Variants in UVRAG observed in about 807,000 individuals in gnomAD.
UVRAG encodes the protein UV radiation resistance associated.
A neutral mutation model predicts 78.0 loss-of-function variants in UVRAG; 19 were observed. That is an observed-to-expected ratio of 0.24 (90% CI 0.17 to 0.36). UVRAG has a LOEUF of 0.36. Among genes scored for constraint, UVRAG ranks in the 10% least tolerant of loss-of-function variants. The pLI, the probability that UVRAG is intolerant of heterozygous loss-of-function variation, is 1.00. For missense variants in UVRAG, 740 were observed against 853.8 expected, an observed-to-expected ratio of 0.87 and a Z score of 1.66; for synonymous variants, 323 against 324.6, an observed-to-expected ratio of 1.00 and a Z score of 0.05.
At chr11:76,002,608 GA>G (rs1487224260) in intron 8 of UVRAG, among the ~76,000 whole-genome samples, 3 of 152,202 alleles carry the variant, frequency 2.0e-5, no homozygotes, top group Non-Finnish European at 2.9e-5. Context: ...AGTATGTGGG[GA>G]TAGAGGGTGT....
intron 12 of UVRAG, among the ~76,000 whole-genome samples, chr11:76,045,600 A>G (rs1950736780): frequency 6.6e-6 from 1 of 152,168 alleles, no homozygotes; most frequent in African/African-American, 2.4e-5. Context: ...ACAAGATGAT[A>G]TAAAAATGAA....
chr11:76,120,890 A>C (rs1952260826), intron 14 of UVRAG, among the ~76,000 whole-genome samples: 1 of 152,182 alleles, frequency 6.6e-6, no homozygotes, highest in Non-Finnish European at 1.5e-5. Context: ...CAAAGGGTAA[A>C]AAAACTCAGG....
intron 14 of UVRAG, among the ~76,000 whole-genome samples, chr11:76,132,693 C>A (rs1952533599): frequency 6.6e-6 from 1 of 152,066 alleles, no homozygotes; most frequent in Admixed American, 6.5e-5. Context: ...GAATTTATTT[C>A]TGCTCATAGC....
chr11:76,086,281 C>T (rs144610217), intron 13 of UVRAG, among the ~76,000 whole-genome samples: 158 of 152,324 alleles, frequency 1.0e-3, no homozygotes, highest in African/African-American at 3.7e-3. Flanking sequence ...AAGCTGCTCA[C>T]TCCTGCCCTA....
At chr11:75,877,915 AC>A (rs1407271819) in intron 3 of UVRAG, among the ~76,000 whole-genome samples, 1 of 95,386 alleles carries the variant, frequency 1.0e-5, no homozygotes, top group Non-Finnish European at 2.1e-5. Flanking sequence ...CGGGGGGCTG[AC>A]CCCCCCACCT....
chr11:75,883,212 TG>T (rs1946990776), intron 4 of UVRAG, among the ~76,000 whole-genome samples: 1 of 152,104 alleles, frequency 6.6e-6, no homozygotes, highest in African/African-American at 2.4e-5. Flanking sequence ...TTTTGGCTAG[TG>T]AAGATGGGTT....
intron 14 of UVRAG, among the ~76,000 whole-genome samples, chr11:76,130,375 T>C (rs1035056362): frequency 6.6e-6 from 1 of 152,226 alleles, no homozygotes; most frequent in Non-Finnish European, 1.5e-5. Flanking sequence ...ACCATGGCTT[T>C]TTTCCAATTA....
At chr11:75,983,298 ATTAT>A in intron 7 of UVRAG, 85 bp from the exon 8 acceptor site, 1 of 1,226,764 alleles carries the variant, frequency 8.2e-7, no homozygotes, top group East Asian at 2.7e-5. Context: ...GTTTTAAGCC[ATTAT>A]TTATTTTTAA....
At chr11:75,987,502 C>T (rs796090169) in intron 8 of UVRAG, among the ~76,000 whole-genome samples, 24 of 152,212 alleles carry the variant, frequency 1.6e-4, no homozygotes, top group African/African-American at 4.1e-4. Context: ...TTTCCTAATA[C>T]GTATGCCTTT....
intron 6 of UVRAG, among the ~76,000 whole-genome samples, chr11:75,960,125 A>G (rs1219297870): frequency 6.6e-6 from 1 of 152,176 alleles, no homozygotes; most frequent in Non-Finnish European, 1.5e-5. Flanking sequence ...ACAGAGAGAC[A>G]TGAAGTGACC....
chr11:75,972,127 G>A (rs1400767098), intron 7 of UVRAG, among the ~76,000 whole-genome samples: 1 of 151,814 alleles, frequency 6.6e-6, no homozygotes, highest in South Asian at 2.1e-4. Flanking sequence ...ATATTTTGGA[G>A]ACCAGTTCTT....
rs187509171 is a variant in UVRAG, at chr11:75,920,276, C to T, written c.593+8237C>T. Among the ~76,000 whole-genome samples the T allele has an allele frequency of 5.5e-3, 840 of 151,866 alleles. 8 individuals carry two copies. Among genetic ancestry groups the T allele is most frequent in the South Asian group, 0.022 (107 of 4,796 alleles). ...TCCTGACCTCGTGATCCACCTGCCC[C>T]GGCCTCCCAAAGTGCTGGGATTACA... is the stretch of plus-strand genomic sequence containing the variant. On this transcript the variant is annotated intron_variant, in intron 6 of 14. Coordinates refer to ENST00000356136, the MANE Select transcript of UVRAG (RefSeq NM_003369.4).
chr11:76,118,777 C>T (rs1952227888), intron 14 of UVRAG, among the ~76,000 whole-genome samples: 1 of 152,180 alleles, frequency 6.6e-6, no homozygotes, highest in Non-Finnish European at 1.5e-5. Context: ...TTTTCTTTCA[C>T]ATAAAATCCT....
At chr11:75,996,745 A>G (rs1438067858) in intron 8 of UVRAG, among the ~76,000 whole-genome samples, 1 of 152,174 alleles carries the variant, frequency 6.6e-6, no homozygotes, top group African/African-American at 2.4e-5. Flanking sequence ...AGAGAAGTTG[A>G]AACTTGTCTA....
At chr11:76,020,864 A>G (rs988496757) in intron 12 of UVRAG, among the ~76,000 whole-genome samples, 2 of 152,048 alleles carry the variant, frequency 1.3e-5, no homozygotes, top group Non-Finnish European at 2.9e-5. Context: ...TTTCCGTGGT[A>G]GAAAGTTTTG....
At chr11:75,820,276 C>T (rs1465888173) in intron 1 of UVRAG, among the ~76,000 whole-genome samples, 1 of 152,132 alleles carries the variant, frequency 6.6e-6, no homozygotes. Flanking sequence ...CTACGCCCAG[C>T]CAGAAAATTT....
intron 6 of UVRAG, among the ~76,000 whole-genome samples, chr11:75,948,647 T>C (rs952526753): frequency 6.6e-6 from 1 of 152,118 alleles, no homozygotes; most frequent in Non-Finnish European, 1.5e-5. Flanking sequence ...TCACGCCTTT[T>C]TAGACACCAG....
intron 1 of UVRAG, among the ~76,000 whole-genome samples, chr11:75,817,489 C>A (rs1272303936): frequency 1.3e-5 from 2 of 152,062 alleles, no homozygotes; most frequent in Admixed American, 1.3e-4. Flanking sequence ...ATATGAGTGC[C>A]GAGTATGCTA....
intron 12 of UVRAG, among the ~76,000 whole-genome samples, chr11:76,022,068 C>T (rs1363121023): frequency 1.3e-5 from 2 of 152,022 alleles, no homozygotes; most frequent in African/African-American, 4.8e-5. Context: ...AAAAAAAGAG[C>T]ATTAATTTTC....
Sources: gnomAD v4.1 joint callset for allele counts (sites outside exome capture counted in the v4.1 genomes callset) on GRCh38, gnomAD v4.1.1 for gene constraint, MANE v1.5 for transcripts, NCBI Gene and HGNC (gene_info 2026-07-23, HGNC 2026-07-21) for gene names.